Variants in OGN observed in about 807,000 individuals in gnomAD.
OGN encodes the protein osteoglycin, also known as mimecan.
OGN carries 19 observed loss-of-function variants against 30.8 expected under a neutral mutation model. That is an observed-to-expected ratio of 0.62 (90% confidence interval 0.43 to 0.90). The LOEUF (loss-of-function observed/expected upper bound fraction) is 0.90. Among genes scored for constraint, OGN ranks in the 40% least tolerant of loss-of-function variants. OGN has a pLI of 0.00. For synonymous variants in OGN, 126 were observed against 128.3 expected (o/e 0.98, Z 0.12); for missense variants, 283 against 349.7 (o/e 0.81, Z 1.52).
At chr9:92,388,302 C>T (rs1257147982) in intron 5 of OGN, among the ~76,000 whole-genome samples, 1 of 151,660 alleles carries the variant, frequency 6.6e-6, no homozygotes, top group African/African-American at 2.4e-5. Flanking sequence ...GCTGGGACTA[C>T]AGGCGCCCAC....
intron 4 of OGN, among the ~76,000 whole-genome samples, chr9:92,391,085 C>T (rs569525178): frequency 2.0e-5 from 3 of 151,128 alleles, no homozygotes; most frequent in South Asian, 2.1e-4. Flanking sequence ...GCCAACACAG[C>T]GCAACCTCAT....
chr9:92,388,309 C>T (rs980749543), intron 5 of OGN, among the ~76,000 whole-genome samples: 4 of 151,548 alleles, frequency 2.6e-5, no homozygotes, highest in Admixed American at 2.0e-4. Context: ...CTACAGGCGC[C>T]CACCACCACG....
chr9:92,388,027 G>A (rs1282413861), intron 5 of OGN, among the ~76,000 whole-genome samples: 1 of 152,084 alleles, frequency 6.6e-6, no homozygotes, highest in African/African-American at 2.4e-5. Flanking sequence ...GCCTCCCAAA[G>A]TGCTAGGATT....
chr9:92,399,041 C>T (rs563340703), intron 3 of OGN, among the ~76,000 whole-genome samples: 6 of 149,018 alleles, frequency 4.0e-5, no homozygotes, highest in South Asian at 4.2e-4. Context: ...AGTCTGAGAG[C>T]GAGACTCTGT....
At position 92,401,168 on chromosome 9, in the gene OGN, T is replaced by G; in HGVS notation, c.192A>C (p.Ile64=). 2 of 1,496,264 alleles carry G rather than the reference T, an allele frequency of 1.3e-6. No homozygotes were observed. The highest frequency in any genetic ancestry group is 1.9e-6 in the Non-Finnish European group (2 of 1,075,902). 92.7% of individuals were successfully genotyped at this position (1,496,264 alleles called of 1,614,324 possible). A position where few individuals can be genotyped will look rare whatever the true frequency, so the allele number is the denominator to read the frequency against. The change falls in exon 3 of 7, where the codon ATA becomes ATC. Residue 64 remains isoleucine (I), a synonymous_variant. Coordinates refer to ENST00000375561, the MANE Select transcript of OGN (RefSeq NM_014057.5). ...ATTGAAGACTTTTCTCATTGGGTAT[T>G]ATCACAGTTTCTTTTTCCTATTGGA... is the stretch of plus-strand genomic sequence containing the variant. ...GKNIKEKETV[I]IPNEKSLQLQ...
intron 5 of OGN, among the ~76,000 whole-genome samples, chr9:92,387,404 GCAAGATGTTTC>G (rs1369338086): frequency 6.6e-6 from 1 of 151,842 alleles, no homozygotes; most frequent in Non-Finnish European, 1.5e-5. Context: ...TGTGTTCTTA[GCAAGATGTTTC>G]CCAAAGCAGT....
At position 92,389,891 on chromosome 9, in the gene OGN, T is replaced by C; in HGVS notation, c.593A>G (p.Lys198Arg). ...KLTLFNAKYN[K>R]IKSRGIKANA... ...TGCTTTGATTCCCCTACTCTTGATT[T>C]TGTTGTATTTTGCATTAAATAAAGT... is the stretch of plus-strand genomic sequence containing the variant. Residue 198 changes from lysine (K) to arginine (R), a missense_variant, in exon 5 of 7, where the codon AAA becomes AGA. By Grantham distance (26) the Lys-to-Arg change is conservative (BLOSUM62 2). Transcript: ENST00000375561. 6.2e-7 allele frequency: 1 copy of C among 1,613,026 alleles called. No homozygotes were observed. The highest frequency in any genetic ancestry group is 8.5e-7 in the Non-Finnish European group (1 of 1,179,390).
At chr9:92,400,199 G>C (rs954355606) in intron 3 of OGN, among the ~76,000 whole-genome samples, 1 of 152,076 alleles carries the variant, frequency 6.6e-6, no homozygotes, top group Non-Finnish European at 1.5e-5. Flanking sequence ...CGCCTAGGCT[G>C]GAGTACAATG....
chr9:92,392,963 A>AT, intron 4 of OGN, 123 bp downstream of exon 4: 7 of 670,666 alleles, frequency 1.0e-5, no homozygotes, highest in Non-Finnish European at 1.7e-5. Flanking sequence ...AACATGTTAG[A>AT]TATTTATGTA....
chr9:92,387,394 T>G (rs1031287973), intron 5 of OGN, among the ~76,000 whole-genome samples: 2 of 149,438 alleles, frequency 1.3e-5, no homozygotes, highest in Non-Finnish European at 3.0e-5. Flanking sequence ...AAAAAAAAAA[T>G]GTGTTCTTAG....
chr9:92,400,450 G>C (rs1843066183), intron 3 of OGN, among the ~76,000 whole-genome samples: 1 of 152,122 alleles, frequency 6.6e-6, no homozygotes, highest in Non-Finnish European at 1.5e-5. Flanking sequence ...CGCCCAGCCT[G>C]GGATGTCTTT....
intron 3 of OGN, among the ~76,000 whole-genome samples, chr9:92,395,430 T>G (rs1242715182): frequency 6.6e-6 from 1 of 152,242 alleles, no homozygotes; most frequent in Non-Finnish European, 1.5e-5. Flanking sequence ...TCATTTCATA[T>G]GGACATTGGG....
rs772459772 is a variant in OGN at position 92,393,040 on chromosome 9, A to G, written c.427+46T>C. The G allele has an allele frequency of 8.6e-6, 13 of 1,519,746 alleles. No homozygotes were observed. The African/African-American group carries it at 9.6e-5, about 11-fold the overall frequency. The allele number at this position is 1,519,746 out of a possible 1,614,324, so 94.1% of individuals were successfully genotyped here. On this transcript the variant is annotated intron_variant, in intron 4 of 6. Transcript: ENST00000375561. ...AGAAACTTGTGTTTATATGAGTTAA[A>G]TACTAATACGAGTTAATACTAATAT...
chr9:92,391,698 CA>C (rs1842694734), intron 4 of OGN, among the ~76,000 whole-genome samples: 2 of 152,134 alleles, frequency 1.3e-5, no homozygotes, highest in South Asian at 4.1e-4. Flanking sequence ...AGACTGTGAA[CA>C]GGGCATTTAT....
At chr9:92,399,473 T>C (rs1219479396) in intron 3 of OGN, among the ~76,000 whole-genome samples, 1 of 152,198 alleles carries the variant, frequency 6.6e-6, no homozygotes, top group Admixed American at 6.5e-5. Context: ...CTTTATCTAG[T>C]GATATTATTT....
At position 92,398,738 on chromosome 9, in the gene OGN, G is replaced by T. The variant is rs185084542; in HGVS notation, c.268+2354C>A. Among the ~76,000 whole-genome samples the T allele has an allele frequency of 8.5e-5, 13 of 152,172 alleles. 1 individual carries two copies. Among genetic ancestry groups the T allele is most frequent in the Admixed American group, 6.5e-4 (10 of 15,284 alleles). On this transcript the variant is annotated intron_variant, in intron 3 of 6. Coordinates refer to ENST00000375561, the MANE Select transcript of OGN (RefSeq NM_014057.5). ...TTGCATGCAATGCTTTAGTGATTTT[G>T]CATTTGTATTTTATTTTGGAGTATA...
At chr9:92,403,560 G>C in intron 1 of OGN, 78 bp from the exon 2 acceptor site, 1 of 1,324,498 alleles carries the variant, frequency 7.6e-7, no homozygotes, top group Non-Finnish European at 9.6e-7. Flanking sequence ...CGCAGTAAGG[G>C]CCAGAGAACA....
chr9:92,401,676 C>T (rs1014229028), intron 2 of OGN, among the ~76,000 whole-genome samples: 16 of 152,270 alleles, frequency 1.1e-4, no homozygotes, highest in African/African-American at 3.6e-4. Flanking sequence ...CCTTTAATTA[C>T]CTATATCCCT....
At position 92,404,505 on chromosome 9, in the gene OGN, T is replaced by A; in HGVS notation, c.-85A>T. 4.6e-6 allele frequency: 6 copies of A among 1,292,384 alleles called. No individual in the cohort carries two copies. The highest frequency in any genetic ancestry group is 6.1e-6 in the Non-Finnish European group (6 of 986,042). 80.1% of individuals were successfully genotyped at this position (1,292,384 alleles called of 1,614,324 possible). The stretch of plus-strand genomic sequence containing the variant: ...TGAAAAGTAAGCCTACCGTTGTAGC[T>A]GTTTTGAAGTTTTTTGTGGTTTTCC... On this transcript the variant is annotated 5_prime_UTR_variant, in exon 1 of 7. Coordinates refer to ENST00000375561, the MANE Select transcript of OGN (RefSeq NM_014057.5).
Sources: gnomAD v4.1 joint callset for allele counts (sites outside exome capture counted in the v4.1 genomes callset) on GRCh38, gnomAD v4.1.1 for gene constraint, MANE v1.5 for transcripts, NCBI Gene and HGNC (gene_info 2026-07-23, HGNC 2026-07-21) for gene names.